Variants in KCNQ3 observed in about 807,000 individuals in gnomAD.
KCNQ3 encodes the protein potassium voltage-gated channel subfamily Q member 3.
A neutral mutation model predicts 92.5 loss-of-function variants in KCNQ3; 30 were observed. That is an observed-to-expected ratio of 0.32 (90% CI 0.24 to 0.44). The LOEUF is 0.44. Ranked by LOEUF, KCNQ3 falls within the 20% of genes least tolerant of loss-of-function variation. KCNQ3 has a pLI of 1.00. For synonymous variants in KCNQ3, 450 were observed against 468.8 expected, an observed-to-expected ratio of 0.96 and a Z score of 0.52; for missense variants, 913 against 1,140.3, an observed-to-expected ratio of 0.80 and a Z score of 2.87.
chr8:132,303,635 GTA>G (rs370143721), intron 1 of KCNQ3, among the ~76,000 whole-genome samples: 14,291 of 48,644 alleles, frequency 0.29, 3,554 homozygotes, highest in African/African-American at 0.65. Flanking sequence ...TATATATGGT[GTA>G]TATATATATA....
chr8:132,267,869 C>T (rs1464981960), intron 1 of KCNQ3, among the ~76,000 whole-genome samples: 1 of 152,170 alleles, frequency 6.6e-6, no homozygotes, highest in Non-Finnish European at 1.5e-5. Flanking sequence ...CATAGCCTCC[C>T]CCATTCTCAA....
intron 9 of KCNQ3, among the ~76,000 whole-genome samples, chr8:132,145,034 G>A (rs1038425955): frequency 3.9e-5 from 6 of 152,218 alleles, no homozygotes; most frequent in South Asian, 2.1e-4. Flanking sequence ...CATGCCTGGA[G>A]ACATTTGGTC....
chr8:132,271,821 T>C (rs781370361), intron 1 of KCNQ3, among the ~76,000 whole-genome samples: 27 of 152,300 alleles, frequency 1.8e-4, no homozygotes, highest in Non-Finnish European at 2.8e-4. Flanking sequence ...GAGTCAAAGA[T>C]GAAAACATGC....
At position 132,265,193 on chromosome 8, in the gene KCNQ3, T is replaced by C. The variant is rs1296126404; in HGVS notation, c.387-79012A>G. ...TTTAAGGCATTCTAGAATAGCAGCT[T>C]AGCTAATTTCAACTGGGCCTGGTGG... On this transcript the variant is annotated intron_variant, in intron 1 of 14. Coordinates refer to ENST00000388996, the MANE Select transcript of KCNQ3 (RefSeq NM_004519.4). 2.6e-5 allele frequency among the ~76,000 whole-genome samples: 4 copies of C among 152,352 alleles called. No individual in the cohort carries two copies. In the East Asian group the frequency reaches 7.7e-4, roughly 29 times the overall value.
chr8:132,157,227 C>T (rs772588872), intron 9 of KCNQ3, among the ~76,000 whole-genome samples: 54 of 152,198 alleles, frequency 3.5e-4, no homozygotes, highest in Non-Finnish European at 6.8e-4. Context: ...GTCAGGGAGC[C>T]GAGACACATT....
In KCNQ3 at chr8:132,153,437, A is replaced by AC. The variant is rs1312508164; in HGVS notation, c.1262+10030dup. Among the ~76,000 whole-genome samples, 5 of 152,130 alleles carry AC rather than the reference A, an allele frequency of 3.3e-5. No individual in the cohort carries two copies. The East Asian group carries it at 9.7e-4, about 29-fold the overall frequency. The stretch of plus-strand genomic sequence containing the variant: ...CAGCTTATGATAAGGAGTCCATGCA[A>AC]CCCCCCAAGACACATTTTTGTTCCA... On this transcript the variant is annotated intron_variant, in intron 9 of 14. Coordinates refer to ENST00000388996, the MANE Select transcript of KCNQ3 (RefSeq NM_004519.4).
intron 12 of KCNQ3, among the ~76,000 whole-genome samples, chr8:132,137,080 A>C (rs1479267576): frequency 6.6e-6 from 1 of 150,438 alleles, no homozygotes; most frequent in African/African-American, 2.5e-5. Context: ...CATGTTGGTC[A>C]GGCTGGTCTG....
intron 9 of KCNQ3, among the ~76,000 whole-genome samples, chr8:132,149,748 A>G (rs1357691294): frequency 6.6e-6 from 1 of 152,136 alleles, no homozygotes; most frequent in East Asian, 1.9e-4. Context: ...ACTGGAGTGC[A>G]TGGCTGTAGT....
intron 1 of KCNQ3, among the ~76,000 whole-genome samples, chr8:132,405,314 T>C (rs755725883): frequency 1.5e-4 from 23 of 152,274 alleles, no homozygotes; most frequent in Non-Finnish European, 3.1e-4. Flanking sequence ...TCCCACGGCA[T>C]AAAATTGCCT....
At chr8:132,469,696 A>G (rs1284137529) in intron 1 of KCNQ3, among the ~76,000 whole-genome samples, 1 of 152,096 alleles carries the variant, frequency 6.6e-6, no homozygotes, top group African/African-American at 2.4e-5. Flanking sequence ...AAAGAGAAAA[A>G]AGGAGCAGGG....
In KCNQ3 at chr8:132,212,624, T is replaced by A. The variant is rs528073865; in HGVS notation, c.387-26443A>T. The stretch of plus-strand genomic sequence containing the variant: ...CAGGTCCATGTCAAGCAGAAGGCCT[T>A]CCCCATCTGTGTGTTCAGCCAGGTT... On this transcript the variant is annotated intron_variant, in intron 1 of 14. Transcript: ENST00000388996. Among the ~76,000 whole-genome samples the A allele has an allele frequency of 3.3e-5, 5 of 151,962 alleles. No individual in the cohort carries two copies. The South Asian group carries it at 1.0e-3, about 32-fold the overall frequency.
In KCNQ3 at chr8:132,139,131, C is replaced by T. The variant is rs527862666; in HGVS notation, c.1568+945G>A. Among the ~76,000 whole-genome samples the T allele has an allele frequency of 5.3e-5, 8 of 152,264 alleles. No homozygotes were observed. In the East Asian group the frequency reaches 1.4e-3, roughly 26 times the overall value. On this transcript the variant is annotated intron_variant, in intron 11 of 14. Transcript: ENST00000388996. ...CAGGAAGCCTAAAACATTTACTATC[C>T]GACCCTTTCAAGAAAAGTTTGATGA...
chr8:132,400,319 A>G (rs556340925), intron 1 of KCNQ3, among the ~76,000 whole-genome samples: 26 of 152,322 alleles, frequency 1.7e-4, no homozygotes, highest in Admixed American at 9.8e-4. Context: ...TTTAACCACG[A>G]TCCGATTTGC....
intron 1 of KCNQ3, among the ~76,000 whole-genome samples, chr8:132,209,135 G>T (rs1813768952): frequency 6.6e-6 from 1 of 152,084 alleles, no homozygotes; most frequent in Admixed American, 6.6e-5. Context: ...GGGTATTTGG[G>T]CTTCTAGACA....
chr8:132,346,954 G>A (rs1285419428), intron 1 of KCNQ3, among the ~76,000 whole-genome samples: 1 of 152,224 alleles, frequency 6.6e-6, no homozygotes, highest in East Asian at 1.9e-4. Flanking sequence ...GTGGAGGGCA[G>A]CAGTCCAGGG....
intron 1 of KCNQ3, among the ~76,000 whole-genome samples, chr8:132,212,893 C>T (rs964384905): frequency 1.3e-5 from 2 of 152,200 alleles, no homozygotes; most frequent in Non-Finnish European, 2.9e-5. Flanking sequence ...AAACACAGAC[C>T]TGTAGGCAGG....
At position 132,186,129 on chromosome 8, in the gene KCNQ3, C is replaced by G; in HGVS notation, c.439G>C (p.Glu147Gln). 4 of 1,613,974 alleles carry G rather than the reference C, an allele frequency of 2.5e-6. No individual in the cohort carries two copies. The highest frequency in any genetic ancestry group is 3.4e-6 in the Non-Finnish European group (4 of 1,179,868). ...CAGTCTCCCGAGACAGTCTCATACT[C>G]CTTGAATGTGGTCAGGACAGCCAGA... ...LILAVLTTFK[E>Q]YETVSGDWLL... Residue 147 changes from glutamate (E) to glutamine (Q), a missense_variant, in exon 2 of 15, where the codon GAG becomes CAG. Around this residue, in one of 6 missense-constraint regions of KCNQ3, gnomAD observed 100 missense variants for 217.6 expected, o/e 0.46. Transcript: ENST00000388996.
intron 1 of KCNQ3, among the ~76,000 whole-genome samples, chr8:132,207,254 A>G (rs895666485): frequency 2.6e-5 from 4 of 152,194 alleles, no homozygotes; most frequent in Non-Finnish European, 5.9e-5. Flanking sequence ...ACATGATTTT[A>G]CACGATCTCT....
At chr8:132,392,160 G>A (rs1820064544) in intron 1 of KCNQ3, among the ~76,000 whole-genome samples, 1 of 152,096 alleles carries the variant, frequency 6.6e-6, no homozygotes, top group Admixed American at 6.5e-5. Flanking sequence ...GACCTAAATT[G>A]AGTCACTTTC....
Sources: gnomAD v4.1 joint callset for allele counts (sites outside exome capture counted in the v4.1 genomes callset) on GRCh38, gnomAD v4.1.1 for gene constraint, gnomAD v4.1.1 regional missense constraint, MANE v1.5 for transcripts, NCBI Gene and HGNC (gene_info 2026-07-23, HGNC 2026-07-21) for gene names.